Variants in PLCB4 observed in about 807,000 individuals in gnomAD.
PLCB4 encodes 1-phosphatidylinositol 4,5-bisphosphate phosphodiesterase beta-4.
In PLCB4, 77 loss-of-function variants were observed where a neutral mutation model predicts 178.8. The observed-to-expected ratio is 0.43, with a 90% confidence interval of 0.36 to 0.52. PLCB4 has a LOEUF of 0.52. Among genes scored for constraint, PLCB4 ranks in the 20% least tolerant of loss-of-function variants. PLCB4 has a pLI of 0.00. For missense variants in PLCB4, 1,024 were observed against 1,453.4 expected (o/e 0.70, Z 4.80); for synonymous variants, 496 against 490.8 (o/e 1.01, Z -0.14).
chr20:9,261,884 C>T (rs140567847), intron 3 of PLCB4, among the ~76,000 whole-genome samples: 34 of 152,258 alleles, frequency 2.2e-4, no homozygotes, highest in Admixed American at 9.2e-4. Context: ...GCTATATACC[C>T]TTGCATTTTA....
intron 3 of PLCB4, among the ~76,000 whole-genome samples, chr20:9,299,622 T>C (rs2094681405): frequency 6.6e-6 from 1 of 152,050 alleles, no homozygotes; most frequent in African/African-American, 2.4e-5. Context: ...AAATTTGCTA[T>C]TGTTAAGCAA....
At position 9,476,708 on chromosome 20, in the gene PLCB4, TACAA is replaced by T. The variant is rs886056985; in HGVS notation, c.3496-5_3496-2del. On this transcript the variant is annotated splice_polypyrimidine_tract_variant and splice_region_variant and intron_variant, in intron 38 of 39. Transcript: ENST00000378473. ...CTCAATTTTGACATTACTATTTTTG[TACAA>T]ACAGCTTTTGAAATCCTGTCATGCA... is the stretch of plus-strand genomic sequence containing the variant. 3.1e-6 allele frequency: 5 copies of T among 1,598,426 alleles called. No homozygotes were observed. In the East Asian group the frequency reaches 1.1e-4, roughly 36 times the overall value.
At chr20:9,116,497 T>C (rs757444269) in intron 2 of PLCB4, among the ~76,000 whole-genome samples, 7 of 152,138 alleles carry the variant, frequency 4.6e-5, no homozygotes, top group Non-Finnish European at 7.4e-5. Flanking sequence ...TATCCTTATA[T>C]CAGTATCACA....
chr20:9,229,212 G>T (rs1261614961), intron 3 of PLCB4, among the ~76,000 whole-genome samples: 2 of 152,160 alleles, frequency 1.3e-5, no homozygotes, highest in East Asian at 3.9e-4. Context: ...TCTCCTGTCT[G>T]ATTCATCCAC....
intron 2 of PLCB4, among the ~76,000 whole-genome samples, chr20:9,144,711 A>G (rs1213687608): frequency 3.4e-4 from 21 of 61,194 alleles, no homozygotes; most frequent in African/African-American, 1.8e-3. Context: ...GAGGGGAAGA[A>G]GGGGAAGAAG....
At chr20:9,127,016 G>A (rs1359426488) in intron 2 of PLCB4, among the ~76,000 whole-genome samples, 2 of 152,070 alleles carry the variant, frequency 1.3e-5, no homozygotes, top group Non-Finnish European at 2.9e-5. Flanking sequence ...CTCTGTGCCA[G>A]ATACTGTATT....
chr20:9,212,713 C>A (rs2093685945), intron 2 of PLCB4, among the ~76,000 whole-genome samples: 1 of 152,078 alleles, frequency 6.6e-6, no homozygotes, highest in African/African-American at 2.4e-5. Context: ...CCTGAAGAAT[C>A]ACAATAAGAC....
intron 3 of PLCB4, among the ~76,000 whole-genome samples, chr20:9,297,506 A>G (rs1218275231): frequency 6.6e-6 from 1 of 152,116 alleles, no homozygotes; most frequent in African/African-American, 2.4e-5. Flanking sequence ...TGTTCTCCAG[A>G]AACCTATTGA....
intron 2 of PLCB4, among the ~76,000 whole-genome samples, chr20:9,099,411 C>T (rs1007078253): frequency 2.0e-5 from 3 of 152,106 alleles, no homozygotes; most frequent in East Asian, 1.9e-4. Flanking sequence ...TAGATGTATT[C>T]TTCAGTACGA....
chr20:9,263,450 T>C (rs2094318553), intron 3 of PLCB4, among the ~76,000 whole-genome samples: 1 of 152,206 alleles, frequency 6.6e-6, no homozygotes, highest in Non-Finnish European at 1.5e-5. Context: ...CCAGCAGCTT[T>C]AGCATCAGCT....
chr20:9,297,483 A>T (rs373663227), intron 3 of PLCB4, among the ~76,000 whole-genome samples: 6 of 152,228 alleles, frequency 3.9e-5, no homozygotes, highest in African/African-American at 1.4e-4. Flanking sequence ...TATTCAGGTA[A>T]CCAAACACCA....
At chr20:9,428,100 G>A (rs764196027) in intron 28 of PLCB4, among the ~76,000 whole-genome samples, 1 of 152,146 alleles carries the variant, frequency 6.6e-6, no homozygotes, top group Non-Finnish European at 1.5e-5. Flanking sequence ...TACAAAGATA[G>A]TTGACTGTTT....
chr20:9,309,168 G>A (rs1412805008), intron 4 of PLCB4, among the ~76,000 whole-genome samples: 1 of 152,004 alleles, frequency 6.6e-6, no homozygotes, highest in Non-Finnish European at 1.5e-5. Flanking sequence ...CTATAATTTG[G>A]CTCCTGCTTA....
chr20:9,082,697 AC>A (rs1245575627), intron 1 of PLCB4, among the ~76,000 whole-genome samples: 2 of 152,036 alleles, frequency 1.3e-5, no homozygotes, highest in Non-Finnish European at 2.9e-5. Context: ...TTATTTAGAG[AC>A]TTTTTGGACC....
At chr20:9,188,285 C>T (rs1201474630) in intron 2 of PLCB4, among the ~76,000 whole-genome samples, 1 of 152,126 alleles carries the variant, frequency 6.6e-6, no homozygotes, top group Non-Finnish European at 1.5e-5. Context: ...AAATAATTAG[C>T]CCTATAGGTA....
intron 12 of PLCB4, among the ~76,000 whole-genome samples, chr20:9,377,168 C>T (rs192862576): frequency 2.1e-4 from 32 of 152,280 alleles, no homozygotes; most frequent in Non-Finnish European, 3.2e-4. Flanking sequence ...CCAGTAAGGA[C>T]GTAATACTGG....
At chr20:9,137,689 C>T (rs2146851257) in intron 2 of PLCB4, among the ~76,000 whole-genome samples, 1 of 151,776 alleles carries the variant, frequency 6.6e-6, no homozygotes, top group South Asian at 2.1e-4. Flanking sequence ...AAGTATTTTC[C>T]CCTTAATTCC....
intron 28 of PLCB4, among the ~76,000 whole-genome samples, chr20:9,433,867 C>G (rs527893419): frequency 2.0e-5 from 3 of 152,158 alleles, no homozygotes; most frequent in Non-Finnish European, 4.4e-5. Flanking sequence ...AACAGACCTT[C>G]TCACATGCCA....
chr20:9,318,108 T>C (rs2094919988), intron 4 of PLCB4, among the ~76,000 whole-genome samples: 1 of 151,858 alleles, frequency 6.6e-6, no homozygotes, highest in African/African-American at 2.4e-5. Context: ...CAGATTGCGC[T>C]ATTGCACTCC....
Sources: allele counts gnomAD v4.1 joint callset (sites outside exome capture counted in the v4.1 genomes callset), GRCh38; gene constraint gnomAD v4.1.1; transcripts MANE v1.5; gene names NCBI Gene and HGNC (gene_info 2026-07-23, HGNC 2026-07-21).